Variants in HAO2 observed in about 807,000 individuals in gnomAD.
The protein encoded by HAO2 is 2-Hydroxyacid oxidase 2.
A neutral mutation model predicts 37.4 loss-of-function variants in HAO2; 42 were observed. That is an observed-to-expected ratio of 1.12 (90% CI 0.88 to 1.45). The LOEUF (loss-of-function observed/expected upper bound fraction) is 1.45. Among genes scored for constraint, HAO2 ranks in the 40% most tolerant of loss-of-function variants. HAO2 has a pLI of 0.00. For synonymous variants in HAO2, 180 were observed against 162.8 expected, an observed-to-expected ratio of 1.11 and a Z score of -0.81; for missense variants, 476 against 430.2, an observed-to-expected ratio of 1.11 and a Z score of -0.94.
intron 5 of HAO2, among the ~76,000 whole-genome samples, chr1:119,390,984 T>C (rs145188539): frequency 1.3e-3 from 197 of 152,248 alleles, no homozygotes; most frequent in Non-Finnish European, 2.1e-3. Flanking sequence ...CACAACATTA[T>C]AAAAATACTC....
Position 119,393,794 on chromosome 1 carries a change from C to A in HAO2, c.1010C>A (p.Ser337Ter), listed in dbSNP as rs902535162. 2 of 1,612,982 alleles carry A rather than the reference C, an allele frequency of 1.2e-6. No individual in the cohort carries two copies. Among genetic ancestry groups the A allele is most frequent in the South Asian group, 1.1e-5 (1 of 91,016 alleles). Residue 337 changes from serine (S) to a stop codon, truncating the protein, a stop_gained, in exon 8 of 8, where the codon TCG (serine) becomes TAG (stop). Transcript: ENST00000325945. LOFTEE classifies it high-confidence loss of function. ...HTSMALTGCR[S>*]VAEINRNLVQ... ...CACATTGTTCTTTTAGGCTGCCGGT[C>A]GGTCGCTGAGATCAATCGAAACTTG...
In HAO2 at chr1:119,384,890, C is replaced by A; in HGVS notation, c.398C>A (p.Pro133Gln). 3 of 1,613,926 alleles carry A rather than the reference C, an allele frequency of 1.9e-6. No individual in the cohort carries two copies. In the East Asian group the frequency reaches 6.7e-5, roughly 36 times the overall value. The change falls in exon 4 of 8, where the codon CCA (proline) becomes CAA (glutamine). Residue 133 changes from proline to glutamine, a missense_variant. Pro to Gln is a moderately conservative substitution (Grantham distance 76). Coordinates refer to ENST00000325945, the MANE Select transcript of HAO2 (RefSeq NM_016527.4). ...CGATGGTTCCAACTCTATGTGCATCCAGACCTGCAGCTGAACAAACAGTTG... is the reference window on the plus strand; with the variant it reads ...CGATGGTTCCAACTCTATGTGCATCAAGACCTGCAGCTGAACAAACAGTTG... ...GLRWFQLYVH[P>Q]DLQLNKQLIQ...
chr1:119,389,954 T>C (rs1239538079), intron 5 of HAO2, among the ~76,000 whole-genome samples: 1 of 152,134 alleles, frequency 6.6e-6, no homozygotes, highest in Non-Finnish European at 1.5e-5. Context: ...CCATCTTGAG[T>C]TGATTTTTAT....
chr1:119,392,002 A>G, intron 5 of HAO2, 108 bp from the exon 6 acceptor site: 7 of 949,510 alleles, frequency 7.4e-6, no homozygotes, highest in Non-Finnish European at 1.1e-5. Context: ...AGGGGAAGAA[A>G]TTGTCAAGGG....
rs1650260741 is a variant in HAO2, at chr1:119,384,933, C to T, written c.441C>T (p.Ser147=). The T allele has an allele frequency of 1.2e-6, 2 of 1,613,820 alleles. No individual in the cohort carries two copies. Among genetic ancestry groups the T allele is most frequent in the East Asian group, 2.2e-5 (1 of 44,880 alleles). The change falls in exon 4 of 8, where the codon TCC becomes TCT. Residue 147 remains serine, a synonymous_variant. Coordinates refer to ENST00000325945, the MANE Select transcript of HAO2 (RefSeq NM_016527.4). ...LNKQLIQRVE[S]LGFKALVITL... is the part of the protein sequence containing the mutation. ...AACAGTTGATCCAGAGGGTAGAATCCCTAGGTTTCAAAGCTTTGGTAATAA... is the reference window on the plus strand; with the variant it reads ...AACAGTTGATCCAGAGGGTAGAATCTCTAGGTTTCAAAGCTTTGGTAATAA...
intron 1 of HAO2, among the ~76,000 whole-genome samples, chr1:119,377,129 A>G (rs1649536850): frequency 6.6e-6 from 1 of 152,186 alleles, no homozygotes; most frequent in South Asian, 2.1e-4. Flanking sequence ...TCAATTTTAA[A>G]CCATATATTT....
At chr1:119,376,131 TATGA>T (rs1378125788) in intron 1 of HAO2, among the ~76,000 whole-genome samples, 13 of 152,172 alleles carry the variant, frequency 8.5e-5, no homozygotes, top group African/African-American at 2.9e-4. Context: ...CCCTTCTACC[TATGA>T]GCCTGTAAAA....
intron 4 of HAO2, chr1:119,385,554 C>T: frequency 1.1e-6 from 1 of 950,340 alleles, no homozygotes; most frequent in Non-Finnish European, 1.3e-6. Context: ...AATATCTCTG[C>T]ACACATAGAG....
At chr1:119,374,579 C>A (rs1289699472) in intron 1 of HAO2, among the ~76,000 whole-genome samples, 2 of 152,168 alleles carry the variant, frequency 1.3e-5, no homozygotes, top group South Asian at 4.1e-4. Context: ...TCCTATAGCA[C>A]CAAGCAAGTG....
chr1:119,386,317 G>A (rs587621930), intron 4 of HAO2, among the ~76,000 whole-genome samples: 4 of 152,214 alleles, frequency 2.6e-5, no homozygotes, highest in African/African-American at 4.8e-5. Flanking sequence ...GAGCCCAAGC[G>A]ATCCTCCCAC....
At chr1:119,391,005 C>CA (rs1014294558) in intron 5 of HAO2, among the ~76,000 whole-genome samples, 15 of 152,102 alleles carry the variant, frequency 9.9e-5, no homozygotes, top group African/African-American at 3.6e-4. Context: ...CAAATAATAC[C>CA]ATGCTGGGAC....
intron 1 of HAO2, among the ~76,000 whole-genome samples, chr1:119,372,386 C>T (rs897199599): frequency 1.3e-5 from 2 of 152,106 alleles, no homozygotes; most frequent in East Asian, 1.9e-4. Flanking sequence ...AGGTCTAATG[C>T]GACTTCAAAA....
chr1:119,392,552 A>G (rs1481981449), intron 6 of HAO2, 66 bp from the exon 7 acceptor site: 1 of 1,003,658 alleles, frequency 1.0e-6, no homozygotes, highest in Non-Finnish European at 1.6e-6. Context: ...TAGAATTTAT[A>G]CTAGTGGATG....
chr1:119,371,971 G>A (rs772848922), intron 1 of HAO2, among the ~76,000 whole-genome samples: 25 of 152,074 alleles, frequency 1.6e-4, no homozygotes, highest in Non-Finnish European at 3.5e-4. Context: ...TATGTTCAAC[G>A]CTCTATGGAC....
intron 5 of HAO2, among the ~76,000 whole-genome samples, chr1:119,387,776 A>G (rs907769035): frequency 1.3e-5 from 2 of 152,212 alleles, no homozygotes; most frequent in African/African-American, 4.8e-5. Flanking sequence ...ATTGTAGAAC[A>G]TCTGTATTGC....
chr1:119,391,692 A>G (rs1018474683), intron 5 of HAO2, among the ~76,000 whole-genome samples: 1 of 152,196 alleles, frequency 6.6e-6, no homozygotes, highest in Non-Finnish European at 1.5e-5. Flanking sequence ...TGTCTTGCCA[A>G]AAAGACTTAG....
At chr1:119,385,742 C>T (rs1176420262) in intron 4 of HAO2, 1 of 985,136 alleles carries the variant, frequency 1.0e-6, no homozygotes, top group African/African-American at 1.7e-5. Flanking sequence ...TAAAGCCAGC[C>T]TTTTCAACCA....
intron 5 of HAO2, among the ~76,000 whole-genome samples, chr1:119,389,790 T>C (rs1650727438): frequency 6.6e-6 from 1 of 152,180 alleles, no homozygotes; most frequent in Admixed American, 6.5e-5. Context: ...CTCCTTAGTT[T>C]AATTAAGTGC....
intron 2 of HAO2, among the ~76,000 whole-genome samples, chr1:119,381,900 C>T (rs1649977611): frequency 6.6e-6 from 1 of 152,172 alleles, no homozygotes; most frequent in South Asian, 2.1e-4. Flanking sequence ...CAACCATGCT[C>T]AGCCATTTAC....
Sources: allele counts gnomAD v4.1 joint callset (sites outside exome capture counted in the v4.1 genomes callset), GRCh38; gene constraint gnomAD v4.1.1; transcripts MANE v1.5; gene names NCBI Gene and HGNC (gene_info 2026-07-23, HGNC 2026-07-21).